Variants in GSE1 observed in about 807,000 individuals in gnomAD.
The protein encoded by GSE1 is genetic suppressor element 1.
Under a neutral mutation model 112.6 loss-of-function variants are expected in GSE1, and 32 were observed. The observed-to-expected ratio is 0.28, with a 90% CI of 0.21 to 0.38. GSE1 has a LOEUF of 0.38. Among genes scored for constraint, GSE1 ranks in the 10% least tolerant of loss-of-function variants. The probability of loss-of-function intolerance (pLI) is 1.00; values close to 1 mark genes in which losing one functional copy is unlikely to be tolerated. For missense variants in GSE1, 2,348 were observed against 1,699.2 expected (o/e 1.38, Z -6.71); for synonymous variants, 1,115 against 735.6 (o/e 1.52, Z -8.35).
chr16:85,295,401 G>A (rs34413765), intron 1 of GSE1, among the ~76,000 whole-genome samples: 21,159 of 152,318 alleles, frequency 0.14, 2,034 homozygotes, highest in East Asian at 0.37. Flanking sequence ...CAGCACATCA[G>A]CCCTTTTATG....
intron 14 of GSE1, among the ~76,000 whole-genome samples, chr16:85,669,634 C>A (rs1397081615): frequency 6.6e-6 from 1 of 152,204 alleles, no homozygotes; most frequent in African/African-American, 2.4e-5. Flanking sequence ...TGAAATATTT[C>A]CATCTTTGCT....
At position 85,661,206 on chromosome 16, in the gene GSE1, A is replaced by C. The variant is rs1034356990; in HGVS notation, c.1701A>C (p.Pro567=). 6.2e-7 allele frequency: 1 copy of C among 1,606,632 alleles called. No homozygotes were observed. The highest frequency in any genetic ancestry group is 1.3e-5 in the African/African-American group (1 of 74,776). ...GRDPPQHFGG[P]PPLISPKPQL... ...ACCCTCCGCAGCACTTTGGGGGGCCACCACCTCTGATTTCGCCCAAGCCCC... is the reference window on the plus strand; with the variant it reads ...ACCCTCCGCAGCACTTTGGGGGGCCCCCACCTCTGATTTCGCCCAAGCCCC... Residue 567 remains proline (P), a synonymous_variant, in exon 9 of 16, where the codon CCA becomes CCC. Coordinates refer to ENST00000253458, the MANE Select transcript of GSE1 (RefSeq NM_014615.5).
chr16:85,599,256 G>A (rs996378516), intron 1 of GSE1, among the ~76,000 whole-genome samples: 4 of 152,214 alleles, frequency 2.6e-5, no homozygotes, highest in African/African-American at 9.7e-5. Context: ...AGAGAGGCGG[G>A]GGAGAAGAAA....
chr16:85,534,812 G>A (rs1020268713), intron 2 of GSE1, among the ~76,000 whole-genome samples: 2 of 152,216 alleles, frequency 1.3e-5, no homozygotes, highest in African/African-American at 2.4e-5. Context: ...GTCCGTCAGC[G>A]TTGCTGCGTG....
chr16:85,434,290 G>A (rs74694946), intron 2 of GSE1, among the ~76,000 whole-genome samples: 1 of 148,434 alleles, frequency 6.7e-6, no homozygotes, highest in African/African-American at 2.5e-5. Flanking sequence ...TGGCCTAGGA[G>A]TCACTAGGAT....
intron 1 of GSE1, among the ~76,000 whole-genome samples, chr16:85,336,400 G>A (rs113459180): frequency 1.7e-3 from 262 of 152,344 alleles, no homozygotes; most frequent in African/African-American, 5.9e-3. Flanking sequence ...TGAAGACAGA[G>A]CTTCAGAGAT....
chr16:85,356,088 C>T (rs2046945959), intron 1 of GSE1, among the ~76,000 whole-genome samples: 1 of 152,180 alleles, frequency 6.6e-6, no homozygotes, highest in Admixed American at 6.5e-5. Context: ...GATGACCCCC[C>T]TGCAGTGTGG....
chr16:85,663,209 C>T, intron 10 of GSE1, 116 bp downstream of exon 10: 2 of 1,282,988 alleles, frequency 1.6e-6, no homozygotes, highest in East Asian at 4.6e-5. Flanking sequence ...GCGGGTTCGC[C>T]CCATGAAGCT....
intron 1 of GSE1, among the ~76,000 whole-genome samples, chr16:85,263,016 T>C (rs1907864977): frequency 6.6e-6 from 1 of 152,120 alleles, no homozygotes; most frequent in Admixed American, 6.5e-5. Flanking sequence ...CAGGAATAGA[T>C]AAATAACACA....
At chr16:85,269,075 T>A (rs1005400876) in intron 1 of GSE1, among the ~76,000 whole-genome samples, 8 of 149,230 alleles carry the variant, frequency 5.4e-5, no homozygotes, top group Admixed American at 5.3e-4. Flanking sequence ...GCCCTGCATT[T>A]TACAGATGGA....
intron 1 of GSE1, among the ~76,000 whole-genome samples, chr16:85,279,251 C>T (rs181706541): frequency 9.7e-4 from 147 of 152,286 alleles, no homozygotes; most frequent in Middle Eastern, 3.4e-3. Flanking sequence ...GTGTACTCTA[C>T]GGGTTCTATT....
intron 1 of GSE1, among the ~76,000 whole-genome samples, chr16:85,213,814 G>A (rs1203967073): frequency 6.6e-6 from 1 of 152,206 alleles, no homozygotes; most frequent in African/African-American, 2.4e-5. Flanking sequence ...CCAGCCTGTG[G>A]GAGTGGGGAG....
At chr16:85,623,123 A>G (rs1021079000) in intron 1 of GSE1, among the ~76,000 whole-genome samples, 3 of 151,832 alleles carry the variant, frequency 2.0e-5, no homozygotes, top group East Asian at 1.9e-4. Flanking sequence ...ATTTTAAGAC[A>G]TTGCCCATTG....
upstream of GSE1, among the ~76,000 whole-genome samples, chr16:85,553,125 G>T (rs866388809): frequency 3.3e-5 from 5 of 151,610 alleles, no homozygotes; most frequent in South Asian, 8.3e-4. Context: ...TCTAACCCGC[G>T]CTCTGGCCGC....
chr16:85,337,865 G>T (rs902189497), intron 1 of GSE1, among the ~76,000 whole-genome samples: 1 of 152,246 alleles, frequency 6.6e-6, no homozygotes, highest in Non-Finnish European at 1.5e-5. Context: ...CATTCCATTT[G>T]ATTTTCTTTC....
At chr16:85,508,933 C>T (rs1414827124) in intron 2 of GSE1, among the ~76,000 whole-genome samples, 2 of 152,176 alleles carry the variant, frequency 1.3e-5, no homozygotes, top group Admixed American at 6.5e-5. Context: ...ACACATGGTT[C>T]GTTGGACAAC....
intron 2 of GSE1, among the ~76,000 whole-genome samples, chr16:85,424,761 C>A (rs1220549288): frequency 6.6e-6 from 1 of 152,246 alleles, no homozygotes; most frequent in African/African-American, 2.4e-5. Flanking sequence ...AGATGCTCTG[C>A]GCCATGGCAC....
chr16:85,346,106 G>A (rs2046729107), intron 1 of GSE1, among the ~76,000 whole-genome samples: 1 of 151,340 alleles, frequency 6.6e-6, no homozygotes, highest in African/African-American at 2.4e-5. Context: ...GCGGGCGGGT[G>A]GATGATGGAT....
At chr16:85,600,288 C>G (rs142700031) in intron 1 of GSE1, among the ~76,000 whole-genome samples, 5 of 152,144 alleles carry the variant, frequency 3.3e-5, no homozygotes, top group Admixed American at 3.3e-4. Context: ...ACTCCTGAGC[C>G]GGGCTGTGAT....
Sources: gnomAD v4.1 joint callset for allele counts (sites outside exome capture counted in the v4.1 genomes callset) on GRCh38, gnomAD v4.1.1 for gene constraint, MANE v1.5 for transcripts, NCBI Gene and HGNC (gene_info 2026-07-23, HGNC 2026-07-21) for gene names.